TTC28: variants seen among roughly 807,000 people sequenced by gnomAD.
TTC28 encodes tetratricopeptide repeat protein 28.
A neutral mutation model predicts 198.0 loss-of-function variants in TTC28; 61 were observed. The observed-to-expected ratio is 0.31, with a 90% CI of 0.25 to 0.38. The LOEUF is 0.38. TTC28 is among the 10% of genes least tolerant of loss of function. TTC28 has a pLI of 1.00. For missense variants in TTC28, 2,678 were observed against 3,164.0 expected (o/e 0.85, Z 3.69); for synonymous variants, 1,171 against 1,297.8 (o/e 0.90, Z 2.10).
rs137952149 is a variant in TTC28 at position 28,026,276 on chromosome 22, C to G, written c.4073+3950G>C. On this transcript the variant is annotated intron_variant, in intron 13 of 22. Coordinates refer to ENST00000397906, the MANE Select transcript of TTC28 (RefSeq NM_001145418.2). ...CTGGCTCTCCCAGAACCCCTCCACT[C>G]TGCCACTGGCTGCACACTCCATAAC... Among the ~76,000 whole-genome samples the G allele has an allele frequency of 5.3e-3, 806 of 152,292 alleles. 5 individuals carry two copies. Among genetic ancestry groups the G allele is most frequent in the African/African-American group, 0.018 (729 of 41,564 alleles).
In TTC28 at chr22:28,094,111, C is replaced by G. The variant is rs1941899186; in HGVS notation, c.3901G>C (p.Glu1301Gln). 3 of 1,551,010 alleles carry G rather than the reference C, an allele frequency of 1.9e-6. No homozygotes were observed. Among genetic ancestry groups the G allele is most frequent in the East Asian group, 2.4e-5 (1 of 40,916 alleles). Residue 1301 changes from glutamate to glutamine, a missense_variant, in exon 12 of 23, where the codon GAG (glutamate) becomes CAG (glutamine). Transcript: ENST00000397906. ...TAGTGAGACTCCACCCCCAGGGCCT[C>G]CCGGACACTGGCAATGTGCTGCTCC... ...ALEQHIASVR[E>Q]ALGVESHYSR...
At chr22:28,365,702 A>G (rs1335113381) in intron 2 of TTC28, among the ~76,000 whole-genome samples, 1 of 152,200 alleles carries the variant, frequency 6.6e-6, no homozygotes, top group African/African-American at 2.4e-5. Context: ...TGATATTAAC[A>G]CATGTACACA....
intron 2 of TTC28, among the ~76,000 whole-genome samples, chr22:28,327,646 G>A (rs968854339): frequency 8.5e-5 from 13 of 152,128 alleles, no homozygotes; most frequent in African/African-American, 1.4e-4. Flanking sequence ...AATAACTACC[G>A]TAAATAATAA....
intron 2 of TTC28, among the ~76,000 whole-genome samples, chr22:28,333,252 C>A (rs1220376903): frequency 6.6e-6 from 1 of 152,026 alleles, no homozygotes; most frequent in Non-Finnish European, 1.5e-5. Flanking sequence ...TGTAAATACA[C>A]CTTGTAATAA....
At chr22:28,289,152 T>C (rs111823249) in intron 5 of TTC28, among the ~76,000 whole-genome samples, 3,297 of 151,010 alleles carry the variant, frequency 0.022, 33 homozygotes, top group Non-Finnish European at 0.027. Flanking sequence ...AATATGAGAG[T>C]GAGGGGAGGA....
intron 5 of TTC28, among the ~76,000 whole-genome samples, chr22:28,223,264 C>T (rs1928025994): frequency 1.3e-5 from 2 of 152,144 alleles, no homozygotes. Flanking sequence ...TAGGCTCCTT[C>T]CTTTCAGAGA....
rs5997338 is a variant in TTC28, at chr22:28,133,391, G to A, written c.1442-24988C>T. Among the ~76,000 whole-genome samples the A allele has an allele frequency of 4.9e-4, 75 of 152,292 alleles. 1 individual carries two copies. The highest frequency in any genetic ancestry group is 1.5e-3 in the African/African-American group (64 of 41,558). ...GGACAGTGGGTGCAGCCCACCGGGCGTGAGCTGAAGAAGGGTGAGGCATCA... is the reference window on the plus strand; with the variant it reads ...GGACAGTGGGTGCAGCCCACCGGGCATGAGCTGAAGAAGGGTGAGGCATCA... On this transcript the variant is annotated intron_variant, in intron 6 of 22. Transcript: ENST00000397906.
intron 14 of TTC28, among the ~76,000 whole-genome samples, chr22:28,012,888 A>C (rs1938216023): frequency 6.6e-6 from 1 of 152,176 alleles, no homozygotes; most frequent in Admixed American, 6.5e-5. Context: ...TAATGAGGAA[A>C]CAGATACTCC....
chr22:28,427,410 T>C (rs557878083), intron 2 of TTC28, among the ~76,000 whole-genome samples: 181 of 152,304 alleles, frequency 1.2e-3, no homozygotes, highest in African/African-American at 4.2e-3. Context: ...TCCCAGCACT[T>C]TGGGAGGCCG....
Position 28,590,877 on chromosome 22 carries a change from T to G in TTC28, c.381+38675A>C, listed in dbSNP as rs2050414464. On this transcript the variant is annotated intron_variant, in intron 2 of 22. Coordinates refer to ENST00000397906, the MANE Select transcript of TTC28 (RefSeq NM_001145418.2). ...TACAAAATTTAGCCAGGCGTGGTGGTGGGCACCTGTAGTCCCAGCTACTCA... is the reference window on the plus strand; with the variant it reads ...TACAAAATTTAGCCAGGCGTGGTGGGGGGCACCTGTAGTCCCAGCTACTCA... Among the ~76,000 whole-genome samples the G allele has an allele frequency of 8.7e-5, 13 of 150,152 alleles. No homozygotes were observed. In the Admixed American group the frequency reaches 8.7e-4, roughly 10 times the overall value.
At chr22:28,531,760 C>A (rs1201197288) in intron 2 of TTC28, among the ~76,000 whole-genome samples, 18 of 152,188 alleles carry the variant, frequency 1.2e-4, no homozygotes, top group Admixed American at 1.2e-3. Flanking sequence ...GAAACTCACT[C>A]GAAACCACTC....
At chr22:28,607,034 A>G (rs115116594) in intron 2 of TTC28, among the ~76,000 whole-genome samples, 2,426 of 152,270 alleles carry the variant, frequency 0.016, 86 homozygotes, top group African/African-American at 0.056. Flanking sequence ...CCCTCCTTAA[A>G]CCTGATGGAA....
chr22:27,986,511 C>T (rs1202915757), intron 21 of TTC28: 1 of 152,216 alleles, frequency 6.6e-6, no homozygotes, highest in Non-Finnish European at 1.5e-5. Flanking sequence ...ACTCAGAATC[C>T]CTGGTCCCTG....
intron 5 of TTC28, among the ~76,000 whole-genome samples, chr22:28,167,183 G>A (rs997153856): frequency 1.3e-5 from 2 of 152,186 alleles, no homozygotes; most frequent in Non-Finnish European, 2.9e-5. Flanking sequence ...ATAATTAATA[G>A]CTTACCAGCC....
intron 14 of TTC28, among the ~76,000 whole-genome samples, chr22:28,008,750 C>G (rs891407678): frequency 6.6e-6 from 1 of 152,140 alleles, no homozygotes; most frequent in African/African-American, 2.4e-5. Context: ...CAACTGAAAA[C>G]TGAGGGGTGA....
intron 2 of TTC28, among the ~76,000 whole-genome samples, chr22:28,375,870 A>C (rs2146006746): frequency 6.6e-6 from 1 of 152,344 alleles, no homozygotes; most frequent in South Asian, 2.1e-4. Context: ...CTCCTGTCCT[A>C]GGACATCAGA....
intron 6 of TTC28, among the ~76,000 whole-genome samples, chr22:28,157,910 A>G (rs900587427): frequency 7.2e-5 from 11 of 152,184 alleles, no homozygotes; most frequent in African/African-American, 2.7e-4. Context: ...TGGAGGTCCT[A>G]GCTACAGCAG....
intron 12 of TTC28, among the ~76,000 whole-genome samples, chr22:28,088,647 G>A (rs1276232698): frequency 6.6e-6 from 1 of 152,262 alleles, no homozygotes; most frequent in Middle Eastern, 3.4e-3. Flanking sequence ...GGCAACAAAC[G>A]CCAAAATTGA....
At chr22:28,561,364 C>A (rs1228605388) in intron 2 of TTC28, among the ~76,000 whole-genome samples, 2 of 152,212 alleles carry the variant, frequency 1.3e-5, no homozygotes, top group African/African-American at 4.8e-5. Context: ...GCGTGAGACA[C>A]CACGCCCGGC....
Sources: gnomAD v4.1 joint callset for allele counts (sites outside exome capture counted in the v4.1 genomes callset) on GRCh38, gnomAD v4.1.1 for gene constraint, MANE v1.5 for transcripts, NCBI Gene and HGNC (gene_info 2026-07-23, HGNC 2026-07-21) for gene names.